Variants in PRRX2 observed in about 807,000 individuals in gnomAD.
The protein encoded by PRRX2 is paired related homeobox 2.
Under a neutral mutation model 18.0 loss-of-function variants are expected in PRRX2, and 11 were observed. The observed-to-expected ratio is 0.61, with a 90% confidence interval of 0.39 to 1.01. PRRX2 has a LOEUF of 1.01. Ranked by LOEUF, PRRX2 falls within the 50% of genes least tolerant of loss-of-function variation. PRRX2 has a pLI of 0.01. For synonymous variants in PRRX2, 177 were observed against 154.8 expected (o/e 1.14, Z -1.06); for missense variants, 387 against 351.0 (o/e 1.10, Z -0.82).
chr9:129,693,408 A>C (rs891983852), intron 1 of PRRX2, among the ~76,000 whole-genome samples: 7 of 152,230 alleles, frequency 4.6e-5, no homozygotes, highest in African/African-American at 1.7e-4. Flanking sequence ...AGCCTGGCCA[A>C]CATGGCGAAA....
At chr9:129,698,852 T>C (rs1181377196) in intron 1 of PRRX2, among the ~76,000 whole-genome samples, 2 of 152,160 alleles carry the variant, frequency 1.3e-5, no homozygotes, top group Non-Finnish European at 2.9e-5. Flanking sequence ...AGATGAAACC[T>C]TGGGCTTGGG....
intron 1 of PRRX2, among the ~76,000 whole-genome samples, chr9:129,683,576 A>G (rs1437187352): frequency 6.6e-6 from 1 of 152,078 alleles, no homozygotes; most frequent in Non-Finnish European, 1.5e-5. Flanking sequence ...TCTACTAAAA[A>G]TACAAAAAAT....
intron 1 of PRRX2, among the ~76,000 whole-genome samples, chr9:129,680,428 A>G (rs1832213726): frequency 1.3e-5 from 2 of 151,192 alleles, no homozygotes; most frequent in Admixed American, 6.6e-5. Context: ...AAAAGAAAAG[A>G]AAAGGAAAAA....
At chr9:129,720,895 G>C (rs1832781914) in intron 3 of PRRX2, 121 bp downstream of exon 3, 1 of 1,153,722 alleles carries the variant, frequency 8.7e-7, no homozygotes, top group South Asian at 1.9e-5. Flanking sequence ...GCGCCCCTGG[G>C]ATCTGGGGTA....
intron 1 of PRRX2, among the ~76,000 whole-genome samples, chr9:129,711,846 T>C (rs1357834302): frequency 6.6e-6 from 1 of 152,168 alleles, no homozygotes; most frequent in Non-Finnish European, 1.5e-5. Context: ...CATTCCTTAC[T>C]GGGGGAGGTG....
chr9:129,681,567 G>GT (rs1832230982), intron 1 of PRRX2, among the ~76,000 whole-genome samples: 1 of 152,154 alleles, frequency 6.6e-6, no homozygotes, highest in African/African-American at 2.4e-5. Context: ...AGCCCTGGGG[G>GT]TTGTGGATGC....
intron 1 of PRRX2, among the ~76,000 whole-genome samples, chr9:129,696,842 G>A (rs577067296): frequency 6.0e-4 from 91 of 152,268 alleles, no homozygotes; most frequent in African/African-American, 2.0e-3. Flanking sequence ...GGGGCGCCCC[G>A]GGTGAAGGTG....
chr9:129,689,881 T>G (rs1832339737), intron 1 of PRRX2, among the ~76,000 whole-genome samples: 1 of 151,880 alleles, frequency 6.6e-6, no homozygotes. Context: ...GCCTCCCAAG[T>G]AGCTCGTATT....
rs1250202358 is a variant in PRRX2 at position 129,684,500 on chromosome 9, ACACACACACACACACACACACACC to A, written c.259+18384_259+18407del. On this transcript the variant is annotated intron_variant, in intron 1 of 3. Coordinates refer to ENST00000372469, the MANE Select transcript of PRRX2 (RefSeq NM_016307.4). The stretch of plus-strand genomic sequence containing the variant: ...CCAGAAATCACACACACACACACAC[ACACACACACACACACACACACACC>A]CACACACACCCCAACAGAAAAGAGA... 4.3e-3 allele frequency among the ~76,000 whole-genome samples: 436 copies of A among 102,082 alleles called. 3 individuals carry two copies. The highest frequency in any genetic ancestry group is 8.3e-3 in the Admixed American group (92 of 11,020). The allele number at this position is 102,082 out of a possible 152,430, so 67.0% of individuals were successfully genotyped here.
chr9:129,669,353 A>G (rs143220021), intron 1 of PRRX2, among the ~76,000 whole-genome samples: 1,854 of 152,364 alleles, frequency 0.012, 21 homozygotes, highest in Middle Eastern at 0.054. Flanking sequence ...CAGGCACGTT[A>G]GGAAAACAAA....
chr9:129,677,784 C>T (rs1233345955), intron 1 of PRRX2, among the ~76,000 whole-genome samples: 1 of 152,150 alleles, frequency 6.6e-6, no homozygotes, highest in Non-Finnish European at 1.5e-5. Flanking sequence ...TGTCAGGGCT[C>T]AAAGCGGGAA....
chr9:129,690,700 G>T (rs1029872322), intron 1 of PRRX2, among the ~76,000 whole-genome samples: 1 of 151,750 alleles, frequency 6.6e-6, no homozygotes, highest in Non-Finnish European at 1.5e-5. Context: ...TAGAGATGGG[G>T]TTTCACTATG....
rs1193739073 is a variant in PRRX2, at chr9:129,665,754, G to A, written c.-114G>A. ...GCGGGCCGCGAGGCTAGGAGGCGGC[G>A]GGAGCTGGGCAGAGCGCGGGGCGGC... On this transcript the variant is annotated 5_prime_UTR_variant, in exon 1 of 4. Coordinates refer to ENST00000372469, the MANE Select transcript of PRRX2 (RefSeq NM_016307.4). The surrounding 1 kb of genome is among the most constrained non-coding windows in gnomAD (Gnocchi z 5.3). 3.0e-5 allele frequency: 24 copies of A among 796,736 alleles called. No individual in the cohort carries two copies. The highest frequency in any genetic ancestry group is 3.7e-5 in the Non-Finnish European group (24 of 654,586). 49.4% of individuals were successfully genotyped at this position (796,736 alleles called of 1,614,324 possible).
At chr9:129,683,628 G>A (rs963912319) in intron 1 of PRRX2, among the ~76,000 whole-genome samples, 2 of 152,100 alleles carry the variant, frequency 1.3e-5, no homozygotes, top group African/African-American at 4.8e-5. Flanking sequence ...CCAACTACTC[G>A]GGAGGCTGAG....
rs1427090716 is a variant in PRRX2, at chr9:129,665,812, C to G, written c.-56C>G. 1 of 1,019,078 alleles carries G rather than the reference C, an allele frequency of 9.8e-7. No homozygotes were observed. Among genetic ancestry groups the G allele is most frequent in the Non-Finnish European group, 1.2e-6 (1 of 853,152 alleles). 63.1% of individuals were successfully genotyped at this position (1,019,078 alleles called of 1,614,324 possible). ...CTCGCTCCGACCCGCGCCCGCGACC[C>G]TTCCTGGGACCCGAGCCCGAGACCC... is the stretch of plus-strand genomic sequence containing the variant. On this transcript the variant is annotated 5_prime_UTR_variant, in exon 1 of 4. Coordinates refer to ENST00000372469, the MANE Select transcript of PRRX2 (RefSeq NM_016307.4). This position sits in a 1 kb window ranked among gnomAD's most constrained non-coding sequence, Gnocchi z 5.3.
At chr9:129,683,830 G>A (rs940940733) in intron 1 of PRRX2, among the ~76,000 whole-genome samples, 1 of 152,198 alleles carries the variant, frequency 6.6e-6, no homozygotes, top group African/African-American at 2.4e-5. Flanking sequence ...CTGGGGCTCA[G>A]AGGCGGGAGC....
intron 1 of PRRX2, 36 bp from the exon 2 acceptor site, chr9:129,719,195 G>C: frequency 6.6e-7 from 1 of 1,508,586 alleles, no homozygotes; most frequent in Non-Finnish European, 8.9e-7. Flanking sequence ...GCCACTGGCC[G>C]TCCTGCTGAC....
Position 129,671,162 on chromosome 9 carries a change from G to A in PRRX2, c.259+5036G>A, listed in dbSNP as rs1286219500. ...GGGTCTCTGAGCCTGGGTCTGAGCTGGGCCTGGTGCCTGGACCCTCAGATG... is the reference window on the plus strand; with the variant it reads ...GGGTCTCTGAGCCTGGGTCTGAGCTAGGCCTGGTGCCTGGACCCTCAGATG... On this transcript the variant is annotated intron_variant, in intron 1 of 3. Coordinates refer to ENST00000372469, the MANE Select transcript of PRRX2 (RefSeq NM_016307.4). This position sits in a 1 kb window ranked among gnomAD's most constrained non-coding sequence, Gnocchi z 4.0. Among the ~76,000 whole-genome samples, 1 of 152,184 alleles carries A rather than the reference G, an allele frequency of 6.6e-6. No homozygotes were observed. The highest frequency in any genetic ancestry group is 2.4e-5 in the African/African-American group (1 of 41,438).
intron 1 of PRRX2, among the ~76,000 whole-genome samples, chr9:129,666,793 C>T (rs1339853113): frequency 6.6e-6 from 1 of 152,158 alleles, no homozygotes; most frequent in Non-Finnish European, 1.5e-5. Context: ...AAGCAAAGGC[C>T]CCAGCCCCGG....
Sources: allele counts gnomAD v4.1 joint callset (sites outside exome capture counted in the v4.1 genomes callset), GRCh38; gene constraint gnomAD v4.1.1; non-coding constraint Gnocchi (gnomAD v3.1); transcripts MANE v1.5; gene names NCBI Gene and HGNC (gene_info 2026-07-23, HGNC 2026-07-21).